The following XIRP2 variants were observed in gnomAD, a reference collection of about 807,000 sequenced individuals.
XIRP2 encodes the protein xin actin binding repeat containing 2.
A neutral mutation model predicts 277.0 loss-of-function variants in XIRP2; 236 were observed. The observed-to-expected ratio is 0.85, with a 90% CI of 0.77 to 0.95. The LOEUF is 0.95. XIRP2 is among the 40% of genes least tolerant of loss of function. The pLI is 0.00. For missense variants in XIRP2, 4,640 were observed against 4,157.5 expected (o/e 1.12, Z -3.19); for synonymous variants, 1,490 against 1,416.5 (o/e 1.05, Z -1.17).
At chr2:167,195,015 C>T (rs1288379464) in intron 3 of XIRP2, among the ~76,000 whole-genome samples, 2 of 152,052 alleles carry the variant, frequency 1.3e-5, no homozygotes, top group African/African-American at 2.4e-5. Context: ...ACCCTATATG[C>T]TGAACATTGA....
Position 167,247,078 on chromosome 2 carries a change from G to T in XIRP2, c.5686G>T (p.Glu1896Ter). 1 of 1,612,060 alleles carries T rather than the reference G, an allele frequency of 6.2e-7. No individual in the cohort carries two copies. Among genetic ancestry groups the T allele is most frequent in the Non-Finnish European group, 8.5e-7 (1 of 1,179,368 alleles). Residue 1896 changes from glutamate to a stop codon, truncating the protein, a stop_gained, in exon 9 of 11, where the codon GAA becomes TAA. Coordinates refer to ENST00000409195, the MANE Select transcript of XIRP2 (RefSeq NM_152381.6). LOFTEE classifies it high-confidence loss of function. The part of the protein sequence containing the change: ...KQPDAIPGDI[E>*]KAIECLEKAT... ...GCCTGATGCCATCCCTGGTGATATT[G>T]AAAAAGCTATTGAATGCCTTGAAAA...
chr2:167,063,670 T>C (rs573847187), intron 2 of XIRP2, among the ~76,000 whole-genome samples: 1 of 152,004 alleles, frequency 6.6e-6, no homozygotes, highest in Admixed American at 6.6e-5. Flanking sequence ...CTTTTCATTA[T>C]ATAATGTTTC....
chr2:167,201,194 GAA>G (rs1559018073), intron 3 of XIRP2, among the ~76,000 whole-genome samples: 260 of 15,534 alleles, frequency 0.017, no homozygotes, highest in Middle Eastern at 0.042. Context: ...GAGAGAGAAA[GAA>G]AGAAAGAAAG....
rs559615084 is a variant in XIRP2 at position 166,936,594 on chromosome 2, G to T, written c.408+32704G>T. 3.3e-5 allele frequency among the ~76,000 whole-genome samples: 5 copies of T among 152,294 alleles called. No individual in the cohort carries two copies. In the South Asian group the frequency reaches 1.0e-3, roughly 32 times the overall value. ...CATCTTGAATTAATTTTTGTATAAG[G>T]TGTAAGGAAGGGATCCAGTTTCAGA... On this transcript the variant is annotated intron_variant, in intron 2 of 10. Transcript: ENST00000409195.
At chr2:167,118,099 C>A (rs1244879817) in intron 2 of XIRP2, among the ~76,000 whole-genome samples, 1 of 152,134 alleles carries the variant, frequency 6.6e-6, no homozygotes, top group East Asian at 1.9e-4. Context: ...GAAATTTAAT[C>A]CCCAATGCAA....
chr2:167,090,305 T>G (rs895752735), intron 2 of XIRP2, among the ~76,000 whole-genome samples: 2 of 152,112 alleles, frequency 1.3e-5, no homozygotes, highest in Non-Finnish European at 2.9e-5. Flanking sequence ...GATACGTGAT[T>G]GAGTAATGTA....
chr2:166,904,169 C>T (rs959097692), intron 2 of XIRP2, among the ~76,000 whole-genome samples: 3 of 152,116 alleles, frequency 2.0e-5, no homozygotes, highest in East Asian at 1.9e-4. Context: ...TCTACAACTA[C>T]GTTGTAAATT....
chr2:167,175,525 G>A (rs892267545), intron 3 of XIRP2, among the ~76,000 whole-genome samples: 2 of 152,114 alleles, frequency 1.3e-5, no homozygotes, highest in Admixed American at 1.3e-4. Context: ...TCCCAGAGGG[G>A]CACCTGCCAG....
rs1259105354 is a variant in XIRP2, at chr2:167,242,938, G to T, written c.1546G>T (p.Asp516Tyr). Residue 516 changes from aspartate (D) to tyrosine (Y), a missense_variant, in exon 9 of 11, where the codon GAT becomes TAT. Physicochemically the swap from Asp to Tyr is radical, Grantham distance 160. Coordinates refer to ENST00000409195, the MANE Select transcript of XIRP2 (RefSeq NM_152381.6). ...HPELRKNLEK[D>Y]YISEVSEIVS... ...TGAGTTAAGAAAAAACTTAGAAAAA[G>T]ATTATATCAGTGAAGTTTCTGAGAT... 12 of 1,613,554 alleles carry T rather than the reference G, an allele frequency of 7.4e-6. No homozygotes were observed. In the East Asian group the frequency reaches 8.9e-5, roughly 12 times the overall value.
At chr2:167,035,868 G>A (rs574711607) in intron 2 of XIRP2, among the ~76,000 whole-genome samples, 1 of 152,216 alleles carries the variant, frequency 6.6e-6, no homozygotes, top group South Asian at 2.1e-4. Context: ...GCTTTGTGCA[G>A]CCTAGGGACT....
intron 2 of XIRP2, among the ~76,000 whole-genome samples, chr2:166,953,818 T>C (rs768847296): frequency 4.6e-5 from 7 of 151,952 alleles, no homozygotes; most frequent in Non-Finnish European, 8.8e-5. Flanking sequence ...TCTGTCTTCC[T>C]TCCTTCTTTC....
chr2:167,002,131 A>G (rs1687390875), intron 2 of XIRP2, among the ~76,000 whole-genome samples: 1 of 152,102 alleles, frequency 6.6e-6, no homozygotes, highest in Non-Finnish European at 1.5e-5. Flanking sequence ...GCTTGTTTCA[A>G]GTTAATTGTG....
chr2:167,072,173 T>C (rs1382221651), intron 2 of XIRP2, among the ~76,000 whole-genome samples: 1 of 152,200 alleles, frequency 6.6e-6, no homozygotes, highest in Admixed American at 6.5e-5. Context: ...TGATTGTGTC[T>C]GTGTATGTGT....
intron 2 of XIRP2, among the ~76,000 whole-genome samples, chr2:166,939,746 C>T (rs1332151892): frequency 6.7e-6 from 1 of 148,648 alleles, no homozygotes; most frequent in Non-Finnish European, 1.5e-5. Context: ...AAAGAAAATT[C>T]ATTCCTTTAA....
intron 2 of XIRP2, among the ~76,000 whole-genome samples, chr2:166,924,015 T>A (rs1044862343): frequency 9.9e-5 from 15 of 152,130 alleles, no homozygotes; most frequent in East Asian, 5.8e-4. Flanking sequence ...AGGTTCAGAC[T>A]AAGCAAAGAC....
intron 3 of XIRP2, among the ~76,000 whole-genome samples, chr2:167,141,361 T>C (rs1021813410): frequency 6.6e-6 from 1 of 151,996 alleles, no homozygotes; most frequent in African/African-American, 2.4e-5. Flanking sequence ...GAGACATCAA[T>C]GAATGAAAGA....
At chr2:166,932,201 ACTCT>A (rs560235482) in intron 2 of XIRP2, among the ~76,000 whole-genome samples, 58 of 134,752 alleles carry the variant, frequency 4.3e-4, no homozygotes, top group Admixed American at 5.3e-4. Context: ...ATGTATACAC[ACTCT>A]CTCTCTCTCT....
In XIRP2 at chr2:167,243,669, A is replaced by G; in HGVS notation, c.2277A>G (p.Arg759=). The G allele has an allele frequency of 1.9e-6, 3 of 1,614,038 alleles. No homozygotes were observed. The highest frequency in any genetic ancestry group is 1.7e-6 in the Non-Finnish European group (2 of 1,179,948). The change falls in exon 9 of 11, where the codon AGA becomes AGG. Residue 759 remains arginine, a synonymous_variant. Coordinates refer to ENST00000409195, the MANE Select transcript of XIRP2 (RefSeq NM_152381.6). ...TGCTGGAAATTAAAACTGTTCACAG[A>G]GAAGACGTTGAAAAGGGAGATGTAA... ...GQMLEIKTVH[R]EDVEKGDVRT...
At position 167,245,111 on chromosome 2, in the gene XIRP2, G is replaced by A. The variant is rs200182549; in HGVS notation, c.3719G>A (p.Arg1240Lys). The A allele has an allele frequency of 1.2e-6, 2 of 1,610,638 alleles. No homozygotes were observed. The highest frequency in any genetic ancestry group is 1.7e-6 in the Non-Finnish European group (2 of 1,179,032). Residue 1240 changes from arginine to lysine, a missense_variant, in exon 9 of 11, where the codon AGG (arginine) becomes AAG (lysine). Physicochemically the swap from Arg to Lys is conservative, Grantham distance 26. Transcript: ENST00000409195. ...DIQKGNVLNC[R>K]WLFENQPIDK... ...CAGAAAGGCAATGTTTTAAATTGTA[G>A]GTGGCTTTTTGAAAACCAACCAATT...
Sources: allele counts gnomAD v4.1 joint callset (sites outside exome capture counted in the v4.1 genomes callset), GRCh38; gene constraint gnomAD v4.1.1; transcripts MANE v1.5; gene names NCBI Gene and HGNC (gene_info 2026-07-23, HGNC 2026-07-21).